Variants in WDR12 observed in about 807,000 individuals in gnomAD.
WDR12 encodes the protein WD repeat domain 12.
Under a neutral mutation model 64.3 loss-of-function variants are expected in WDR12, and 42 were observed. The observed-to-expected ratio is 0.65, with a 90% confidence interval of 0.51 to 0.84. The LOEUF is 0.84. Among genes scored for constraint, WDR12 ranks in the 40% least tolerant of loss-of-function variants. The pLI is 0.00. For synonymous variants in WDR12, 158 were observed against 173.3 expected, an observed-to-expected ratio of 0.91 and a Z score of 0.70; for missense variants, 469 against 494.6, an observed-to-expected ratio of 0.95 and a Z score of 0.49.
intron 8 of WDR12, among the ~76,000 whole-genome samples, chr2:202,889,899 G>A (rs189744208): frequency 3.3e-5 from 5 of 151,562 alleles, no homozygotes; most frequent in Admixed American, 6.6e-5. Flanking sequence ...CTCTCAAAAG[G>A]GGGGAAAGAA....
intron 11 of WDR12, 32 bp from the exon 12 acceptor site, chr2:202,882,815 C>T (rs1438408883): frequency 6.3e-7 from 1 of 1,592,046 alleles, no homozygotes; most frequent in Non-Finnish European, 8.6e-7. Context: ...ATATTATATG[C>T]ATTCACAGTG....
intron 2 of WDR12, among the ~76,000 whole-genome samples, chr2:202,903,477 A>G (rs972758750): frequency 4.3e-5 from 5 of 114,972 alleles, no homozygotes; most frequent in Admixed American, 8.9e-5. Context: ...GGAAGGAAGG[A>G]AGGAAGGAAG....
At chr2:202,898,075 C>T (rs997604982) in intron 4 of WDR12, among the ~76,000 whole-genome samples, 1 of 27,492 alleles carries the variant, frequency 3.6e-5, no homozygotes, top group East Asian at 1.4e-3. Flanking sequence ...CCAAAACCAC[C>T]CCCACCCAAA....
At chr2:202,884,160 T>C (rs1688005119) in intron 10 of WDR12, 38 bp downstream of exon 10, 5 of 1,563,164 alleles carry the variant, frequency 3.2e-6, no homozygotes, top group East Asian at 2.2e-5. Context: ...ATAGATGTTA[T>C]TCACACATAT....
intron 2 of WDR12, among the ~76,000 whole-genome samples, chr2:202,905,389 C>A (rs1418695092): frequency 1.3e-5 from 2 of 152,254 alleles, no homozygotes; most frequent in African/African-American, 4.8e-5. Flanking sequence ...ATGATCCACC[C>A]ACCTTGGCCT....
At chr2:202,895,656 G>A (rs561870342) in intron 6 of WDR12, among the ~76,000 whole-genome samples, 15 of 148,822 alleles carry the variant, frequency 1.0e-4, no homozygotes, top group Middle Eastern at 3.5e-3. Context: ...CCGAGTAGCT[G>A]GGATTACAGG....
chr2:202,894,678 T>C, intron 6 of WDR12, 52 bp from the exon 7 acceptor site: 3 of 1,473,258 alleles, frequency 2.0e-6, no homozygotes, highest in Non-Finnish European at 2.8e-6. Context: ...ATTCATATTA[T>C]TTGCCTACAA....
intron 1 of WDR12, among the ~76,000 whole-genome samples, chr2:202,908,613 C>G (rs188642786): frequency 6.6e-6 from 1 of 152,204 alleles, no homozygotes; most frequent in Non-Finnish European, 1.5e-5. Flanking sequence ...TGACCAAAGG[C>G]TAAAGAGATA....
intron 1 of WDR12, among the ~76,000 whole-genome samples, chr2:202,911,164 CACT>C (rs1266327736): frequency 6.6e-6 from 1 of 152,080 alleles, no homozygotes; most frequent in Non-Finnish European, 1.5e-5. Context: ...TGTGAACCAC[CACT>C]AGCAGACACC....
At chr2:202,882,339 GT>G (rs542621240) in intron 12 of WDR12, among the ~76,000 whole-genome samples, 8 of 147,962 alleles carry the variant, frequency 5.4e-5, no homozygotes, top group East Asian at 4.0e-4. Flanking sequence ...ACTAATAAAT[GT>G]TTTTTTTTTC....
rs746533318 is a variant in WDR12, at chr2:202,879,598, AT to A, written c.*1261del. On this transcript the variant is annotated 3_prime_UTR_variant, in exon 13 of 13. Coordinates refer to ENST00000261015, the MANE Select transcript of WDR12 (RefSeq NM_018256.4). ...ACCACACCCGGCTAATTTGTTTTGG[AT>A]TTTTTTTTTTTTAGTAGAGACAAAG... The A allele has an allele frequency of 2.9e-3, 405 of 138,928 alleles. No individual in the cohort carries two copies. The highest frequency in any genetic ancestry group is 7.8e-3 in the Middle Eastern group (2 of 258). 8.6% of individuals were successfully genotyped at this position (138,928 alleles called of 1,614,324 possible).
At chr2:202,895,794 T>G (rs1688229903) in intron 6 of WDR12, among the ~76,000 whole-genome samples, 1 of 150,886 alleles carries the variant, frequency 6.6e-6, no homozygotes, top group Non-Finnish European at 1.5e-5. Context: ...CCTCCCAAAG[T>G]GCTGGGATTA....
At chr2:202,895,893 G>T in intron 6 of WDR12, 172 bp downstream of exon 6, 1 of 679,668 alleles carries the variant, frequency 1.5e-6, no homozygotes, top group Non-Finnish European at 2.3e-6. Flanking sequence ...TTCAAACTGA[G>T]CAAGTGACTA....
chr2:202,895,965 G>C (rs1264403601), intron 6 of WDR12, 100 bp downstream of exon 6: 6 of 1,376,280 alleles, frequency 4.4e-6, no homozygotes, highest in Non-Finnish European at 5.9e-6. Context: ...CCGATTGTTA[G>C]GAAACTAGGC....
chr2:202,903,316 T>A (rs975656412), intron 2 of WDR12, among the ~76,000 whole-genome samples: 1 of 152,090 alleles, frequency 6.6e-6, no homozygotes, highest in African/African-American at 2.4e-5. Context: ...AATTCATATA[T>A]AATAGACCCC....
At chr2:202,881,514 C>T (rs1027833002) in intron 12 of WDR12, among the ~76,000 whole-genome samples, 18 of 152,126 alleles carry the variant, frequency 1.2e-4, no homozygotes, top group African/African-American at 4.3e-4. Flanking sequence ...GGCACAGTGG[C>T]TCACACCTGT....
chr2:202,886,659 C>T (rs1265888809), intron 8 of WDR12, among the ~76,000 whole-genome samples: 21 of 149,596 alleles, frequency 1.4e-4, no homozygotes, highest in African/African-American at 5.2e-4. Flanking sequence ...CCCAGCTACT[C>T]AGGAGGCTGA....
At chr2:202,894,846 A>T in intron 6 of WDR12, 1 of 409,282 alleles carries the variant, frequency 2.4e-6, no homozygotes, top group Non-Finnish European at 4.4e-6. Flanking sequence ...GCCAATCTGA[A>T]GTGAGAGAGA....
At chr2:202,893,293 C>T (rs1412316768) in intron 7 of WDR12, among the ~76,000 whole-genome samples, 3 of 151,966 alleles carry the variant, frequency 2.0e-5, no homozygotes, top group Non-Finnish European at 4.4e-5. Context: ...TATTATGTTA[C>T]ATTAAATATG....
Sources: allele counts gnomAD v4.1 joint callset (sites outside exome capture counted in the v4.1 genomes callset), GRCh38; gene constraint gnomAD v4.1.1; transcripts MANE v1.5; gene names NCBI Gene and HGNC (gene_info 2026-07-23, HGNC 2026-07-21).